The following SNX24 variants were observed in gnomAD, a reference collection of about 807,000 sequenced individuals.
SNX24 encodes sorting nexin-24.
In SNX24, 22 loss-of-function variants were observed where a neutral mutation model predicts 28.7. The ratio of observed to expected loss-of-function variants is 0.77; its 90% CI spans 0.55 to 1.10. SNX24 has a LOEUF of 1.10. Ranked by LOEUF, SNX24 falls within the 50% of genes least tolerant of loss-of-function variation. The probability of loss-of-function intolerance (pLI) is 0.00; values close to 1 mark genes in which losing one functional copy is unlikely to be tolerated. For synonymous variants in SNX24, 69 were observed against 71.5 expected, an observed-to-expected ratio of 0.96 and a Z score of 0.18; for missense variants, 221 against 201.1, an observed-to-expected ratio of 1.10 and a Z score of -0.60.
chr5:122,964,104 G>A (rs922179774), intron 3 of SNX24, among the ~76,000 whole-genome samples: 12 of 151,790 alleles, frequency 7.9e-5, no homozygotes, highest in Non-Finnish European at 8.8e-5. Flanking sequence ...TTAGCTGGGC[G>A]TGGTGGCAGC....
At chr5:122,850,456 T>C (rs1754858976) in intron 1 of SNX24, among the ~76,000 whole-genome samples, 1 of 152,174 alleles carries the variant, frequency 6.6e-6, no homozygotes, top group Admixed American at 6.5e-5. Flanking sequence ...AGTCAGACTG[T>C]AGCGATGATT....
intron 1 of SNX24, among the ~76,000 whole-genome samples, chr5:122,914,413 A>C (rs1758067662): frequency 1.3e-5 from 2 of 152,144 alleles, no homozygotes; most frequent in South Asian, 4.2e-4. Flanking sequence ...GGCCTCATAA[A>C]ATGAGTTAGG....
chr5:122,973,788 C>T (rs1000039200), intron 3 of SNX24, among the ~76,000 whole-genome samples: 6 of 152,170 alleles, frequency 3.9e-5, no homozygotes, highest in Admixed American at 3.3e-4. Context: ...AGTAACAGGC[C>T]AAGAGCTGTC....
chr5:122,996,940 G>A (rs1762071514), intron 3 of SNX24, among the ~76,000 whole-genome samples: 1 of 152,164 alleles, frequency 6.6e-6, no homozygotes, highest in African/African-American at 2.4e-5. Flanking sequence ...CCAGGGTACA[G>A]CTTCAAGAAG....
At chr5:122,860,139 C>T (rs1225151424) in intron 1 of SNX24, among the ~76,000 whole-genome samples, 1 of 152,156 alleles carries the variant, frequency 6.6e-6, no homozygotes, top group East Asian at 1.9e-4. Flanking sequence ...CAAAGAACAG[C>T]TTTGCAGGGC....
intron 1 of SNX24, among the ~76,000 whole-genome samples, chr5:122,917,833 C>G (rs748043861): frequency 5.3e-5 from 8 of 152,158 alleles, no homozygotes; most frequent in Non-Finnish European, 1.0e-4. Context: ...GTAATCCCAG[C>G]ATTTTGGGAG....
At chr5:123,024,532 C>T (rs932049481) in intron 5 of SNX24, among the ~76,000 whole-genome samples, 4 of 152,176 alleles carry the variant, frequency 2.6e-5, no homozygotes, top group Non-Finnish European at 2.9e-5. Context: ...GTAACCCCAG[C>T]CCCCCACAGT....
At position 123,008,180 on chromosome 5, in the gene SNX24, G is replaced by C; in HGVS notation, c.*431G>C. 1 of 987,088 alleles carries C rather than the reference G, an allele frequency of 1.0e-6. No homozygotes were observed. The highest frequency in any genetic ancestry group is 1.2e-6 in the Non-Finnish European group (1 of 831,234). 61.1% of individuals were successfully genotyped at this position (987,088 alleles called of 1,614,324 possible). On this transcript the variant is annotated 3_prime_UTR_variant, in exon 7 of 7. Coordinates refer to ENST00000261369, the MANE Select transcript of SNX24 (RefSeq NM_014035.4). Reference sequence around the variant, plus strand: ...TATGACACACTACTCTTCTCACCGTGAGATTTTCTCAGCCAGTGATAGTAC... The same window carrying C: ...TATGACACACTACTCTTCTCACCGTCAGATTTTCTCAGCCAGTGATAGTAC...
chr5:123,010,394 A>T (rs1226884723), downstream of SNX24, among the ~76,000 whole-genome samples: 1 of 151,858 alleles, frequency 6.6e-6, no homozygotes, highest in Non-Finnish European at 1.5e-5. Context: ...GGGTTCAAGC[A>T]TTCTCTGCCT....
chr5:122,910,009 CA>C (rs1757813379), intron 1 of SNX24, among the ~76,000 whole-genome samples: 1 of 152,048 alleles, frequency 6.6e-6, no homozygotes, highest in Non-Finnish European at 1.5e-5. Context: ...CTTGTAGGTT[CA>C]AGGCAGAAAG....
At chr5:122,959,138 G>A (rs1760353471) in intron 3 of SNX24, among the ~76,000 whole-genome samples, 1 of 152,006 alleles carries the variant, frequency 6.6e-6, no homozygotes, top group African/African-American at 2.4e-5. Flanking sequence ...TGTGTCAGGA[G>A]ATTTTTGACT....
chr5:122,979,418 G>A (rs983585578), intron 3 of SNX24, among the ~76,000 whole-genome samples: 1 of 152,156 alleles, frequency 6.6e-6, no homozygotes, highest in African/African-American at 2.4e-5. Flanking sequence ...CCACTGCATT[G>A]TGAAAAGGGG....
intron 1 of SNX24, among the ~76,000 whole-genome samples, chr5:122,851,935 C>T (rs1210384776): frequency 6.6e-6 from 1 of 151,900 alleles, no homozygotes; most frequent in Non-Finnish European, 1.5e-5. Context: ...GTAAATATTA[C>T]CGCAAAATTA....
At chr5:123,023,827 C>G in intron 5 of SNX24, 1 of 1,605,164 alleles carries the variant, frequency 6.2e-7, no homozygotes, top group South Asian at 1.1e-5. Context: ...CACACACACA[C>G]ACACACACAC....
chr5:123,029,080 A>T, intron 5 of SNX24: 1 of 910,780 alleles, frequency 1.1e-6, no homozygotes, highest in Non-Finnish European at 1.6e-6. Context: ...TGAATAAGTT[A>T]AAAGAGAGCA....
At chr5:122,965,013 C>T (rs147018405) in intron 3 of SNX24, among the ~76,000 whole-genome samples, 144 of 152,202 alleles carry the variant, frequency 9.5e-4, no homozygotes, top group Non-Finnish European at 1.7e-3. Flanking sequence ...TTTTAATCTT[C>T]ATGTAGCATA....
chr5:122,959,265 C>T (rs868021970), intron 3 of SNX24, among the ~76,000 whole-genome samples: 121 of 149,266 alleles, frequency 8.1e-4, no homozygotes, highest in Non-Finnish European at 1.2e-3. Context: ...TTGTCCATTT[C>T]ATTTAGGTTA....
intron 1 of SNX24, among the ~76,000 whole-genome samples, chr5:122,897,461 A>G (rs373590290): frequency 4.6e-5 from 7 of 152,240 alleles, no homozygotes; most frequent in Admixed American, 2.6e-4. Flanking sequence ...AGAAGACAGC[A>G]TATAGACTAA....
intron 1 of SNX24, among the ~76,000 whole-genome samples, chr5:122,897,454 A>G (rs1757250448): frequency 6.6e-6 from 1 of 152,218 alleles, no homozygotes; most frequent in South Asian, 2.1e-4. Flanking sequence ...AAGAATTAGA[A>G]GACAGCATAT....
Sources: allele counts gnomAD v4.1 joint callset (sites outside exome capture counted in the v4.1 genomes callset), GRCh38; gene constraint gnomAD v4.1.1; transcripts MANE v1.5; gene names NCBI Gene and HGNC (gene_info 2026-07-23, HGNC 2026-07-21).